ZNF880: variants seen among roughly 807,000 people sequenced by gnomAD.
ZNF880 encodes zinc finger protein 880, also known as zinc finger protein LOC400713.
Under a neutral mutation model 11.8 loss-of-function variants are expected in ZNF880, and 12 were observed. That is an observed-to-expected ratio of 1.02 (90% CI 0.65 to 1.65). The LOEUF is 1.65. Ranked by LOEUF, ZNF880 falls within the 40% of genes most tolerant of loss-of-function variation. ZNF880 has a pLI of 0.00. For missense variants in ZNF880, 601 were observed against 673.9 expected (o/e 0.89, Z 1.20); for synonymous variants, 210 against 232.4 (o/e 0.90, Z 0.88).
upstream of ZNF880, chr19:52,367,792 T>C (rs570321981): frequency 6.6e-6 from 1 of 152,298 alleles, no homozygotes; most frequent in South Asian, 2.1e-4. Flanking sequence ...TGTTTCTACA[T>C]GCCTCTTTCT....
At chr19:52,368,657 C>G (rs184786944), upstream of ZNF880, among the ~76,000 whole-genome samples, 226 of 152,226 alleles carry the variant, frequency 1.5e-3, 2 homozygotes, top group Non-Finnish European at 2.7e-3. Context: ...AACTTAGTTA[C>G]AATTCACACC....
At chr19:52,386,185 AAAAG>A (rs922021365), downstream of ZNF880, among the ~76,000 whole-genome samples, 26 of 141,168 alleles carry the variant, frequency 1.8e-4, no homozygotes, top group East Asian at 8.3e-4. Flanking sequence ...AAAAAAAAAA[AAAAG>A]AAAGAAAAAG....
chr19:52,377,869 A>G (rs1327213579), intron 3 of ZNF880, among the ~76,000 whole-genome samples: 1 of 151,920 alleles, frequency 6.6e-6, no homozygotes, highest in African/African-American at 2.4e-5. Flanking sequence ...TTTTTTTTAG[A>G]CAGAGTCTTG....
chr19:52,390,103 AAG>A (rs797017300), downstream of ZNF880: 5 of 156,632 alleles, frequency 3.2e-5, no homozygotes, highest in African/African-American at 1.2e-4. Flanking sequence ...TATGAAGACA[AAG>A]AGGTTTAATG....
At chr19:52,369,348 C>A (rs1476354428), upstream of ZNF880, among the ~76,000 whole-genome samples, 1 of 95,768 alleles carries the variant, frequency 1.0e-5, no homozygotes, top group Non-Finnish European at 1.9e-5. Flanking sequence ...GGCAAAAGAA[C>A]GAAACTCTGT....
At chr19:52,393,826 G>A in the ZNF880 span, among the ~76,000 whole-genome samples, 4,376 of 122,130 alleles carry the variant, frequency 0.036, 264 homozygotes, top group African/African-American at 0.12. Flanking sequence ...GTATTTCTTT[G>A]CCCCCCCCCT....
At chr19:52,383,199 C>T (rs2122403192) in intron 3 of ZNF880, among the ~76,000 whole-genome samples, 1 of 152,226 alleles carries the variant, frequency 6.6e-6, no homozygotes, top group South Asian at 2.1e-4. Flanking sequence ...ATTTAGTTAT[C>T]TGTCTCTGTT....
intron 2 of ZNF880, among the ~76,000 whole-genome samples, chr19:52,373,457 G>A (rs931179590): frequency 1.3e-5 from 2 of 152,084 alleles, no homozygotes; most frequent in Non-Finnish European, 2.9e-5. Flanking sequence ...GCTTTCTTCA[G>A]AATTCTGGCC....
At chr19:52,375,374 T>A (rs747206374) in intron 3 of ZNF880, among the ~76,000 whole-genome samples, 9 of 151,654 alleles carry the variant, frequency 5.9e-5, no homozygotes, top group African/African-American at 2.2e-4. Flanking sequence ...GTATTTTTAG[T>A]GGAAACGGGG....
At chr19:52,369,781 T>C, upstream of ZNF880, 1 of 654,180 alleles carries the variant, frequency 1.5e-6, no homozygotes, top group African/African-American at 1.8e-5. Context: ...CACAATCTAT[T>C]TCCAGATAGC....
chr19:52,387,263 G>A (rs1440081068), downstream of ZNF880, among the ~76,000 whole-genome samples: 1 of 143,570 alleles, frequency 7.0e-6, no homozygotes, highest in African/African-American at 2.7e-5. Flanking sequence ...CCTTGGGTAA[G>A]TATAATTTAC....
chr19:52,373,199 A>G lies in ZNF880; in HGVS notation c.101A>G (p.Glu34Gly). The stretch of plus-strand genomic sequence containing the variant: ...CCTGCTCAGAGGACTTTATACAGGG[A>G]AGTGATGGTGGAGAACTACAGGAAC... ...LDPAQRTLYR[E>G]VMVENYRNLV... Residue 34 changes from glutamate (E) to glycine (G), a missense_variant, in exon 2 of 4, where the codon GAA becomes GGA. Physicochemically the swap from Glu to Gly is moderately conservative, Grantham distance 98. This residue lies in a region of ZNF880 where 420 missense variants were observed against 442.6 expected (regional missense o/e 0.95). Coordinates refer to ENST00000422689, the MANE Select transcript of ZNF880 (RefSeq NM_001145434.2). 1 of 1,613,252 alleles carries G rather than the reference A, an allele frequency of 6.2e-7. No homozygotes were observed. Among genetic ancestry groups the G allele is most frequent in the South Asian group, 1.1e-5 (1 of 91,066 alleles).
intron 3 of ZNF880, among the ~76,000 whole-genome samples, chr19:52,382,204 G>A (rs1401298480): frequency 6.6e-6 from 1 of 152,046 alleles, no homozygotes; most frequent in Non-Finnish European, 1.5e-5. Context: ...TTGAGCTTGG[G>A]AGGGGGAGGT....
chr19:52,370,146 A>T, intron 1 of ZNF880, 169 bp downstream of exon 1: 1 of 855,554 alleles, frequency 1.2e-6, no homozygotes, highest in Non-Finnish European at 1.9e-6. Flanking sequence ...CTGAGTGTTA[A>T]AATCGCTCGG....
At chr19:52,376,826 A>G (rs567531146) in intron 3 of ZNF880, among the ~76,000 whole-genome samples, 1 of 152,012 alleles carries the variant, frequency 6.6e-6, no homozygotes, top group South Asian at 2.1e-4. Flanking sequence ...CCACTTTTTG[A>G]TAGGATTGTT....
chr19:52,393,633 T>C, the ZNF880 span, among the ~76,000 whole-genome samples: 2 of 152,156 alleles, frequency 1.3e-5, no homozygotes, highest in Non-Finnish European at 2.9e-5. Context: ...TGTTAGTATC[T>C]GCAGAATGCC....
upstream of ZNF880, among the ~76,000 whole-genome samples, chr19:52,367,974 G>A (rs1161397438): frequency 6.6e-6 from 1 of 151,988 alleles, no homozygotes; most frequent in Non-Finnish European, 1.5e-5. Context: ...GCTGCATTGG[G>A]TGGATCACGA....
intron 1 of ZNF880, among the ~76,000 whole-genome samples, chr19:52,372,626 A>G (rs138631060): frequency 0.027 from 3,918 of 147,596 alleles, 166 homozygotes; most frequent in African/African-American, 0.092. Flanking sequence ...CAGGTTGGGC[A>G]TGCAGTGGCT....
At chr19:52,379,115 T>C (rs1293985743) in intron 3 of ZNF880, among the ~76,000 whole-genome samples, 1 of 135,262 alleles carries the variant, frequency 7.4e-6, no homozygotes, top group Non-Finnish European at 1.6e-5. Context: ...AATGAACTTA[T>C]TTGTATTTAG....
Sources: gnomAD v4.1 joint callset for allele counts (sites outside exome capture counted in the v4.1 genomes callset) on GRCh38, gnomAD v4.1.1 for gene constraint, gnomAD v4.1.1 regional missense constraint, MANE v1.5 for transcripts, NCBI Gene and HGNC (gene_info 2026-07-23, HGNC 2026-07-21) for gene names.